The following CYP4X1 variants were observed in gnomAD, a reference collection of about 807,000 sequenced individuals.
CYP4X1 encodes cytochrome P450 4X1.
CYP4X1 carries 44 observed loss-of-function variants against 57.9 expected under a neutral mutation model. That is an observed-to-expected ratio of 0.76 (90% CI 0.60 to 0.98). The LOEUF (loss-of-function observed/expected upper bound fraction) is 0.98, where lower values mean the gene tolerates loss of function less well. Ranked by LOEUF, CYP4X1 falls within the 50% of genes least tolerant of loss-of-function variation. The pLI is 0.00. For missense variants in CYP4X1, 532 were observed against 623.9 expected (o/e 0.85, Z 1.57); for synonymous variants, 227 against 228.6 (o/e 0.99, Z 0.06).
the CYP4X1 span, among the ~76,000 whole-genome samples, chr1:46,989,243 T>C: frequency 3.3e-5 from 5 of 152,228 alleles, no homozygotes; most frequent in African/African-American, 1.2e-4. Flanking sequence ...CAAGCATTCC[T>C]ACACAACAAT....
Position 47,033,308 on chromosome 1 carries a change from C to G in CYP4X1, c.432C>G (p.Phe144Leu). Residue 144 changes from phenylalanine (F) to leucine (L), a missense_variant, in exon 4 of 12, where the codon TTC becomes TTG. By Grantham distance (22) the Phe-to-Leu change is conservative. Transcript: ENST00000371901. ...FQHRRLLTPG[F>L]HFNILKAYIE... ...ATCGTCGCCTACTAACTCCTGGATT[C>G]CATTTTAACATCCTGAAAGCATACA... 1.2e-6 allele frequency: 2 copies of G among 1,613,776 alleles called. No homozygotes were observed. The highest frequency in any genetic ancestry group is 1.7e-6 in the Non-Finnish European group (2 of 1,179,828).
the CYP4X1 span, among the ~76,000 whole-genome samples, chr1:47,008,822 G>C: frequency 4.6e-5 from 7 of 152,252 alleles, no homozygotes; most frequent in African/African-American, 1.7e-4. Context: ...AAGACACAAA[G>C]AAGGCCATTA....
intron 4 of CYP4X1, among the ~76,000 whole-genome samples, chr1:47,034,682 C>A (rs1644160800): frequency 6.6e-6 from 1 of 152,118 alleles, no homozygotes; most frequent in Non-Finnish European, 1.5e-5. Context: ...CTGTGCAGTG[C>A]AAGCTAGTGA....
chr1:46,963,295 T>G, the CYP4X1 span, among the ~76,000 whole-genome samples: 2 of 152,154 alleles, frequency 1.3e-5, no homozygotes, highest in Non-Finnish European at 2.9e-5. Flanking sequence ...ATCCTGTCAT[T>G]ATGATGTTAG....
At chr1:47,044,328 T>TA (rs1644277905) in intron 8 of CYP4X1, among the ~76,000 whole-genome samples, 1 of 152,228 alleles carries the variant, frequency 6.6e-6, no homozygotes, top group African/African-American at 2.4e-5. Context: ...TTTAAACTGA[T>TA]AACAGCTTAA....
chr1:47,012,561 A>T, the CYP4X1 span, among the ~76,000 whole-genome samples: 2 of 151,054 alleles, frequency 1.3e-5, no homozygotes, highest in East Asian at 1.9e-4. Flanking sequence ...GTATAATAAT[A>T]AAAAAAACTA....
chr1:47,040,305 A>T (rs1013836069), intron 8 of CYP4X1, among the ~76,000 whole-genome samples: 1 of 152,194 alleles, frequency 6.6e-6, no homozygotes, highest in African/African-American at 2.4e-5. Context: ...GGAAACTGTC[A>T]TCTCTATCTT....
downstream of CYP4X1, among the ~76,000 whole-genome samples, chr1:47,053,576 C>A (rs1445453373): frequency 3.9e-5 from 6 of 152,184 alleles, no homozygotes; most frequent in Admixed American, 2.6e-4. Flanking sequence ...CTCTCCAGCA[C>A]CTGTTGTTTC....
intron 8 of CYP4X1, among the ~76,000 whole-genome samples, chr1:47,043,617 G>A (rs984651500): frequency 6.6e-6 from 1 of 152,094 alleles, no homozygotes; most frequent in Non-Finnish European, 1.5e-5. Flanking sequence ...TTATGGTTCA[G>A]GTCTTAGATT....
At chr1:47,044,911 G>A (rs959640660) in intron 8 of CYP4X1, among the ~76,000 whole-genome samples, 1 of 151,164 alleles carries the variant, frequency 6.6e-6, no homozygotes, top group African/African-American at 2.4e-5. Context: ...CGCAACCTCT[G>A]CCTCCCAGGT....
At chr1:46,986,290 T>TA in the CYP4X1 span, among the ~76,000 whole-genome samples, 1 of 152,008 alleles carries the variant, frequency 6.6e-6, no homozygotes, top group African/African-American at 2.4e-5. Context: ...ATCAATCTCT[T>TA]AAAAATCTCT....
At chr1:47,038,538 T>C (rs1274596225) in intron 6 of CYP4X1, 122 bp from the exon 7 acceptor site, 4 of 540,764 alleles carry the variant, frequency 7.4e-6, no homozygotes, top group Non-Finnish European at 1.2e-5. Flanking sequence ...CTGTGAAAAT[T>C]AGATCTATTT....
chr1:47,033,271 A>G lies in CYP4X1; in HGVS notation c.395A>G (p.Lys132Arg), dbSNP rs2148508054. 1.9e-6 allele frequency: 3 copies of G among 1,613,674 alleles called. No individual in the cohort carries two copies. The highest frequency in any genetic ancestry group is 1.3e-5 in the African/African-American group (1 of 74,974). ...GGACTAGCGGCTCTAGACGGACCCAAGTGGTTCCAGCATCGTCGCCTACTA... is the reference window on the plus strand; with the variant it reads ...GGACTAGCGGCTCTAGACGGACCCAGGTGGTTCCAGCATCGTCGCCTACTA... ...GKGLAALDGP[K>R]WFQHRRLLTP... The change falls in exon 4 of 12, where the codon AAG becomes AGG. Residue 132 changes from lysine to arginine, a missense_variant. Transcript: ENST00000371901.
At chr1:46,998,736 G>A in the CYP4X1 span, among the ~76,000 whole-genome samples, 1 of 149,040 alleles carries the variant, frequency 6.7e-6, no homozygotes, top group Non-Finnish European at 1.5e-5. Context: ...AATCCATCTT[G>A]AGTGAATTTT....
the CYP4X1 span, among the ~76,000 whole-genome samples, chr1:46,963,654 C>T: frequency 1.3e-5 from 2 of 152,192 alleles, no homozygotes; most frequent in Admixed American, 6.5e-5. Context: ...GTGACCTGAC[C>T]TTTCTCTCTG....
chr1:47,041,586 G>A (rs1251694427), intron 8 of CYP4X1, among the ~76,000 whole-genome samples: 3 of 151,990 alleles, frequency 2.0e-5, no homozygotes, highest in Non-Finnish European at 4.4e-5. Flanking sequence ...CTTCTTTGTA[G>A]GAATGTTATT....
Position 47,039,352 on chromosome 1 carries a change from G to A in CYP4X1, c.893G>A (p.Gly298Asp). The change falls in exon 8 of 12, where the codon GGT (glycine) becomes GAT (aspartate). Residue 298 changes from glycine to aspartate, a missense_variant. Gly to Asp is a moderately conservative substitution (Grantham distance 94, BLOSUM62 -1). Coordinates refer to ENST00000371901, the MANE Select transcript of CYP4X1 (RefSeq NM_178033.2). Reference protein sequence around the residue: ...DIVLSAKDESGSSFSDIDVHS... With the variant: ...DIVLSAKDESDSSFSDIDVHS... Reference sequence around the variant, plus strand: ...TATTGTACTTTCTAGGATGAAAGTGGTAGCAGCTTCTCAGATATTGATGTA... The same window carrying A: ...TATTGTACTTTCTAGGATGAAAGTGATAGCAGCTTCTCAGATATTGATGTA... 6.3e-7 allele frequency: 1 copy of A among 1,593,786 alleles called. No homozygotes were observed.
chr1:47,052,299 CACAG>C (rs1231125992), downstream of CYP4X1, among the ~76,000 whole-genome samples: 2 of 151,770 alleles, frequency 1.3e-5, no homozygotes, highest in Non-Finnish European at 2.9e-5. Context: ...AAATATGTGC[CACAG>C]ACAATTTTGT....
At chr1:46,988,852 C>A in the CYP4X1 span, among the ~76,000 whole-genome samples, 1 of 152,168 alleles carries the variant, frequency 6.6e-6, no homozygotes, top group South Asian at 2.1e-4. Flanking sequence ...AAATTTGACA[C>A]CCCTTCATGC....
Sources: allele counts gnomAD v4.1 joint callset (sites outside exome capture counted in the v4.1 genomes callset), GRCh38; gene constraint gnomAD v4.1.1; transcripts MANE v1.5; gene names NCBI Gene and HGNC (gene_info 2026-07-23, HGNC 2026-07-21).